Variants in NEK11 observed in about 807,000 individuals in gnomAD.
NEK11 encodes NIMA related kinase 11.
A neutral mutation model predicts 80.7 loss-of-function variants in NEK11; 72 were observed. The ratio of observed to expected loss-of-function variants is 0.89; its 90% CI spans 0.74 to 1.08. The LOEUF (loss-of-function observed/expected upper bound fraction) is 1.08, where lower values mean the gene tolerates loss of function less well. NEK11 is among the 50% of genes least tolerant of loss of function. The pLI is 0.00. For synonymous variants in NEK11, 251 were observed against 260.7 expected, an observed-to-expected ratio of 0.96 and a Z score of 0.36; for missense variants, 764 against 763.6, an observed-to-expected ratio of 1.00 and a Z score of -0.01.
intron 4 of NEK11, among the ~76,000 whole-genome samples, chr3:131,087,781 G>C (rs2076203297): frequency 6.6e-6 from 1 of 152,180 alleles, no homozygotes; most frequent in Admixed American, 6.5e-5. Context: ...CTAGTTCTCA[G>C]AGGGTCCTTG....
chr3:131,040,338 A>C (rs1577313406), intron 3 of NEK11, among the ~76,000 whole-genome samples: 2 of 152,210 alleles, frequency 1.3e-5, no homozygotes, highest in East Asian at 3.9e-4. Context: ...TTAAGAAAGC[A>C]AACACTAAGC....
chr3:131,052,135 T>C, intron 3 of NEK11, among the ~76,000 whole-genome samples: 1 of 3,008 alleles, frequency 3.3e-4, no homozygotes, highest in South Asian at 0.014. Flanking sequence ...GTTTTTTTTG[T>C]TTTTTTTTTT....
intron 3 of NEK11, among the ~76,000 whole-genome samples, chr3:131,035,988 C>T (rs1031596754): frequency 1.3e-5 from 2 of 152,188 alleles, no homozygotes; most frequent in African/African-American, 2.4e-5. Context: ...AATGTGTATA[C>T]ACTTTATAAA....
Position 131,181,638 on chromosome 3 carries a change from T to C in NEK11, c.1399+10751T>C, listed in dbSNP as rs568655932. ...GCGGGCGCCTGTAGTCCCAGCTACT[T>C]GGGAGGCTGAGGCAGGAGAATGGCG... On this transcript the variant is annotated intron_variant, in intron 14 of 17. Coordinates refer to ENST00000383366, the MANE Select transcript of NEK11 (RefSeq NM_024800.5). 7.5e-5 allele frequency among the ~76,000 whole-genome samples: 11 copies of C among 145,970 alleles called. No homozygotes were observed. The East Asian group carries it at 1.0e-3, about 14-fold the overall frequency.
chr3:131,102,900 G>A (rs2078612599), intron 4 of NEK11, among the ~76,000 whole-genome samples: 1 of 152,040 alleles, frequency 6.6e-6, no homozygotes, highest in Non-Finnish European at 1.5e-5. Context: ...GTCCAACTGA[G>A]TTGATTCGAA....
At position 131,348,287 on chromosome 3, in the gene NEK11, G is replaced by C. The variant is rs1170488066; in HGVS notation, c.1719-1270G>C. ...GGAGCAAAAAAAAGCTCATTGTTTGGTGAAGGGAAAATGGAGTAAATATTG... is the reference window on the plus strand; with the variant it reads ...GGAGCAAAAAAAAGCTCATTGTTTGCTGAAGGGAAAATGGAGTAAATATTG... On this transcript the variant is annotated intron_variant, in intron 17 of 17. Coordinates refer to ENST00000383366, the MANE Select transcript of NEK11 (RefSeq NM_024800.5). 2.6e-4 allele frequency among the ~76,000 whole-genome samples: 40 copies of C among 152,266 alleles called. No individual in the cohort carries two copies. The East Asian group carries it at 7.5e-3, about 29-fold the overall frequency.
At chr3:131,321,387 A>G (rs1261565767) in intron 17 of NEK11, among the ~76,000 whole-genome samples, 1 of 152,238 alleles carries the variant, frequency 6.6e-6, no homozygotes, top group African/African-American at 2.4e-5. Flanking sequence ...AAGACCTCAA[A>G]CTGTAAGAAT....
chr3:131,122,433 C>G (rs958807782), intron 5 of NEK11, among the ~76,000 whole-genome samples: 8 of 152,190 alleles, frequency 5.3e-5, no homozygotes, highest in African/African-American at 1.9e-4. Context: ...AGACCTGACC[C>G]TGCTTCTGAC....
At chr3:131,029,401 G>A (rs75869405) in intron 2 of NEK11, among the ~76,000 whole-genome samples, 9,640 of 152,184 alleles carry the variant, frequency 0.063, 404 homozygotes, top group Non-Finnish European at 0.099. Context: ...ATTCACTTCT[G>A]CCAAATTTCA....
At chr3:131,279,657 A>G (rs1300818627) in intron 17 of NEK11, among the ~76,000 whole-genome samples, 2 of 152,134 alleles carry the variant, frequency 1.3e-5, no homozygotes, top group Admixed American at 1.3e-4. Flanking sequence ...CTGTCCCTAT[A>G]GTTTTTCCTT....
intron 16 of NEK11, among the ~76,000 whole-genome samples, chr3:131,271,155 A>G (rs992224295): frequency 2.6e-5 from 4 of 152,142 alleles, no homozygotes; most frequent in Non-Finnish European, 5.9e-5. Context: ...TTTTCTCTCC[A>G]GGTGTGGAAG....
intron 7 of NEK11, among the ~76,000 whole-genome samples, chr3:131,140,919 A>G (rs910846811): frequency 1.1e-4 from 16 of 152,088 alleles, no homozygotes; most frequent in Non-Finnish European, 2.1e-4. Context: ...CTCCAGCCTT[A>G]TCTTTCTATC....
chr3:131,184,754 G>C, intron 14 of NEK11: 1 of 1,217,234 alleles, frequency 8.2e-7, no homozygotes, highest in Non-Finnish European at 1.1e-6. Context: ...AAAAATAAAG[G>C]AATTTCTGAA....
rs756861338 is a variant in NEK11, at chr3:131,274,632, C to CTTTTTTTTTTTTT, written c.1718+1078_1718+1090dup. Among the ~76,000 whole-genome samples, 9 of 45,304 alleles carry CTTTTTTTTTTTTT rather than the reference C, an allele frequency of 2.0e-4. 3 individuals carry two copies. Among genetic ancestry groups the CTTTTTTTTTTTTT allele is most frequent in the Non-Finnish European group, 3.2e-4 (8 of 24,808 alleles). The allele number at this position is 45,304 out of a possible 152,430, so 29.7% of individuals were successfully genotyped here. A position where few individuals can be genotyped will look rare whatever the true frequency, so the allele number is the denominator to read the frequency against. ...CTCTCCAGCACCTGTTGTTTCCTGACTTTTTTTTTTTTTTTTTTTTTTTTT... is the reference window on the plus strand; with the variant it reads ...CTCTCCAGCACCTGTTGTTTCCTGACTTTTTTTTTTTTTTTTTTTTTTTTTTTTTTTTTTTTTT... On this transcript the variant is annotated intron_variant, in intron 17 of 17. Transcript: ENST00000383366.
chr3:131,335,619 G>A (rs1424223221), intron 17 of NEK11, among the ~76,000 whole-genome samples: 1 of 152,006 alleles, frequency 6.6e-6, no homozygotes, highest in South Asian at 2.1e-4. Context: ...TCTGGCCAGG[G>A]CAATTAGGCA....
intron 14 of NEK11, among the ~76,000 whole-genome samples, chr3:131,177,146 A>G (rs1388943917): frequency 2.0e-5 from 3 of 152,120 alleles, no homozygotes; most frequent in Non-Finnish European, 4.4e-5. Context: ...TGTGCTCCAT[A>G]CTTATGTGCT....
At position 131,070,370 on chromosome 3, in the gene NEK11, C is replaced by T. The variant is rs192000546; in HGVS notation, c.171-10053C>T. 7.9e-3 allele frequency among the ~76,000 whole-genome samples: 1,198 copies of T among 152,290 alleles called. 14 individuals carry two copies. The highest frequency in any genetic ancestry group is 0.024 in the Middle Eastern group (7 of 294). ...CCTCAAACACACAAAATTATACCTT[C>T]AGGGTTGTGGTACTTGGAACAACCT... On this transcript the variant is annotated intron_variant, in intron 3 of 17. Coordinates refer to ENST00000383366, the MANE Select transcript of NEK11 (RefSeq NM_024800.5).
intron 17 of NEK11, among the ~76,000 whole-genome samples, chr3:131,347,220 C>G (rs939453324): frequency 6.6e-6 from 1 of 152,188 alleles, no homozygotes; most frequent in Non-Finnish European, 1.5e-5. Flanking sequence ...TGAGTCCAAA[C>G]TCTACCACAC....
intron 14 of NEK11, among the ~76,000 whole-genome samples, chr3:131,208,443 G>T (rs1472155754): frequency 6.6e-6 from 1 of 152,186 alleles, no homozygotes; most frequent in Non-Finnish European, 1.5e-5. Flanking sequence ...TCTTAGCAAT[G>T]TGGGCTCTTT....
Sources: allele counts gnomAD v4.1 joint callset (sites outside exome capture counted in the v4.1 genomes callset), GRCh38; gene constraint gnomAD v4.1.1; transcripts MANE v1.5; gene names NCBI Gene and HGNC (gene_info 2026-07-23, HGNC 2026-07-21).